Variants in AIG1 observed in about 807,000 individuals in gnomAD.
AIG1 encodes the protein androgen induced 1.
In AIG1, 23 loss-of-function variants were observed where a neutral mutation model predicts 31.4. The ratio of observed to expected loss-of-function variants is 0.73; its 90% CI spans 0.53 to 1.04. The LOEUF is 1.04. AIG1 is among the 50% of genes least tolerant of loss of function. The pLI, the probability that AIG1 is intolerant of heterozygous loss-of-function variation, is 0.00. For missense variants in AIG1, 274 were observed against 295.0 expected, an observed-to-expected ratio of 0.93 and a Z score of 0.52; for synonymous variants, 100 against 110.5, an observed-to-expected ratio of 0.90 and a Z score of 0.60.
rs1475003432 is a variant in AIG1 at position 143,279,806 on chromosome 6, A to T, written c.400-4304A>T. ...CAAATGATAGCTCCTCATTAAAACTAGCTAAAATGGATGATAGAGCTTGGG... is the reference window on the plus strand; with the variant it reads ...CAAATGATAGCTCCTCATTAAAACTTGCTAAAATGGATGATAGAGCTTGGG... On this transcript the variant is annotated intron_variant, in intron 3 of 5. Transcript: ENST00000357847. The surrounding 1 kb of genome is among the most constrained non-coding windows in gnomAD (Gnocchi z 5.4). 6.6e-6 allele frequency among the ~76,000 whole-genome samples: 1 copy of T among 152,210 alleles called. No individual in the cohort carries two copies. Among genetic ancestry groups the T allele is most frequent in the Non-Finnish European group, 1.5e-5 (1 of 68,042 alleles).
intron 3 of AIG1, among the ~76,000 whole-genome samples, chr6:143,169,021 TTAAA>T (rs1394878958): frequency 2.6e-5 from 4 of 151,300 alleles, no homozygotes; most frequent in East Asian, 1.9e-4. Flanking sequence ...TATTCATATA[TTAAA>T]TATTTTAATA....
At chr6:143,119,026 A>G (rs1263140287) in intron 1 of AIG1, among the ~76,000 whole-genome samples, 2 of 152,074 alleles carry the variant, frequency 1.3e-5, no homozygotes, top group African/African-American at 2.4e-5. Flanking sequence ...AGTGTGCACC[A>G]TTGCATCCAA....
At chr6:143,159,284 G>A (rs1306825452) in intron 2 of AIG1, among the ~76,000 whole-genome samples, 1 of 152,236 alleles carries the variant, frequency 6.6e-6, no homozygotes, top group Non-Finnish European at 1.5e-5. Flanking sequence ...GGCCGAGGTT[G>A]GAGAGAAAGG....
At chr6:143,342,162 G>C, downstream of AIG1, 1 of 560,254 alleles carries the variant, frequency 1.8e-6, no homozygotes, top group East Asian at 3.3e-5. Context: ...GACCTTAGGT[G>C]ATCACCCGCC....
At chr6:143,121,115 C>G (rs976125385) in intron 1 of AIG1, among the ~76,000 whole-genome samples, 3 of 152,248 alleles carry the variant, frequency 2.0e-5, no homozygotes, top group Non-Finnish European at 2.9e-5. Context: ...CACTGGCTTG[C>G]TGTCAATAAA....
At chr6:143,320,099 C>T (rs1258370940) in intron 4 of AIG1, among the ~76,000 whole-genome samples, 7 of 152,172 alleles carry the variant, frequency 4.6e-5, no homozygotes, top group Admixed American at 2.0e-4. Context: ...AAGACACACA[C>T]GGCCAGCAAA....
chr6:143,189,845 A>G lies in AIG1; in HGVS notation c.399+24662A>G, dbSNP rs563519550. 9.4e-6 allele frequency: 9 copies of G among 954,682 alleles called. No individual in the cohort carries two copies. The South Asian group carries it at 2.4e-4, about 26-fold the overall frequency. 59.1% of individuals were successfully genotyped at this position (954,682 alleles called of 1,614,324 possible). ...TATATCTTAGTCCATTCAGGCTACT[A>G]TAACAAAATAGCACAATTGGGTGGC... is the stretch of plus-strand genomic sequence containing the variant. On this transcript the variant is annotated intron_variant, in intron 3 of 5. Coordinates refer to ENST00000357847, the MANE Select transcript of AIG1 (RefSeq NM_016108.4).
At chr6:143,295,802 C>T (rs1664171213) in intron 4 of AIG1, among the ~76,000 whole-genome samples, 1 of 152,110 alleles carries the variant, frequency 6.6e-6, no homozygotes, top group Non-Finnish European at 1.5e-5. Flanking sequence ...AACTCTTTCT[C>T]CAAAGTCTGC....
At chr6:143,337,467 G>T (rs1233996059) in intron 5 of AIG1, among the ~76,000 whole-genome samples, 1 of 151,916 alleles carries the variant, frequency 6.6e-6, no homozygotes, top group African/African-American at 2.4e-5. Flanking sequence ...TAAGCACTTC[G>T]ATGTAGCAGT....
intron 5 of AIG1, among the ~76,000 whole-genome samples, chr6:143,335,863 C>T (rs1470705002): frequency 2.0e-5 from 3 of 150,380 alleles, no homozygotes; most frequent in East Asian, 2.0e-4. Flanking sequence ...GCACGAGAAT[C>T]GCTTCAACCT....
chr6:143,270,025 A>G (rs1290166809), intron 3 of AIG1, among the ~76,000 whole-genome samples: 1 of 152,236 alleles, frequency 6.6e-6, no homozygotes, highest in African/African-American at 2.4e-5. Flanking sequence ...GGAAGGGCAG[A>G]TGTAAACACT....
At chr6:143,226,985 C>CTTTTTTTTTT (rs11431811) in intron 3 of AIG1, among the ~76,000 whole-genome samples, 2 of 113,620 alleles carry the variant, frequency 1.8e-5, no homozygotes, top group African/African-American at 3.2e-5. Flanking sequence ...GAGTTTTTGT[C>CTTTTTTTTTT]TTTTTTTTTT....
intron 1 of AIG1, among the ~76,000 whole-genome samples, chr6:143,076,246 T>G (rs901729626): frequency 3.3e-5 from 5 of 152,348 alleles, no homozygotes; most frequent in Non-Finnish European, 5.9e-5. Flanking sequence ...AATGTACACC[T>G]TGTTAAAAGT....
rs144110672 is a variant in AIG1, at chr6:143,319,511, G to A, written c.516-13771G>A. Among the ~76,000 whole-genome samples, 12 of 152,216 alleles carry A rather than the reference G, an allele frequency of 7.9e-5. No individual in the cohort carries two copies. The East Asian group carries it at 1.4e-3, about 17-fold the overall frequency. On this transcript the variant is annotated intron_variant, in intron 4 of 5. Transcript: ENST00000357847. Reference sequence around the variant, plus strand: ...GGGAGTAAGGAATAAAAAACTACACGTTGGGTACAATGTACACAGCTCTGG... The same window carrying A: ...GGGAGTAAGGAATAAAAAACTACACATTGGGTACAATGTACACAGCTCTGG...
chr6:143,251,202 G>C (rs1401625769), intron 3 of AIG1, among the ~76,000 whole-genome samples: 1 of 152,036 alleles, frequency 6.6e-6, no homozygotes, highest in Admixed American at 6.6e-5. Context: ...ACAGGCGTGC[G>C]CCACCACGCC....
chr6:143,297,224 A>G lies in AIG1; in HGVS notation c.515+12999A>G, dbSNP rs1798487759. 6.6e-6 allele frequency among the ~76,000 whole-genome samples: 1 copy of G among 152,116 alleles called. No individual in the cohort carries two copies. Among genetic ancestry groups the G allele is most frequent in the Non-Finnish European group, 1.5e-5 (1 of 68,026 alleles). On this transcript the variant is annotated intron_variant, in intron 4 of 5. Transcript: ENST00000357847. The surrounding 1 kb of genome is among the most constrained non-coding windows in gnomAD (Gnocchi z 5.1). ...AGTTAGCTTTGTGAAGGTCCAGGAT[A>G]AAAGTGTCCCAGGCAGAAAAAGCAG...
At chr6:143,141,400 T>C (rs926674556) in intron 2 of AIG1, among the ~76,000 whole-genome samples, 6 of 152,228 alleles carry the variant, frequency 3.9e-5, no homozygotes, top group South Asian at 2.1e-4. Flanking sequence ...TTGTGACCCA[T>C]GCACCTAGTG....
chr6:143,153,472 C>T lies in AIG1; in HGVS notation c.298-11610C>T, dbSNP rs745334989. ...AAGTGATTCTCCTGCCTCAGCCTCC[C>T]GAGTAGCTGGGACTACAGGTGCCTG... On this transcript the variant is annotated intron_variant, in intron 2 of 5. Coordinates refer to ENST00000357847, the MANE Select transcript of AIG1 (RefSeq NM_016108.4). Among the ~76,000 whole-genome samples, 72 of 152,114 alleles carry T rather than the reference C, an allele frequency of 4.7e-4. 1 individual carries two copies. Among genetic ancestry groups the T allele is most frequent in the African/African-American group, 1.6e-3 (67 of 41,410 alleles).
chr6:143,088,319 A>G (rs1778989138), intron 1 of AIG1, among the ~76,000 whole-genome samples: 1 of 151,976 alleles, frequency 6.6e-6, no homozygotes. Flanking sequence ...AAATAGACAT[A>G]TGAACATTAA....
Sources: allele counts gnomAD v4.1 joint callset (sites outside exome capture counted in the v4.1 genomes callset), GRCh38; gene constraint gnomAD v4.1.1; non-coding constraint Gnocchi (gnomAD v3.1); transcripts MANE v1.5; gene names NCBI Gene and HGNC (gene_info 2026-07-23, HGNC 2026-07-21).